DDX10: variants seen among roughly 807,000 people sequenced by gnomAD.
DDX10 encodes the protein DEAD-box helicase 10.
A neutral mutation model predicts 104.3 loss-of-function variants in DDX10; 74 were observed. The ratio of observed to expected loss-of-function variants is 0.71; its 90% CI spans 0.59 to 0.86. The LOEUF (loss-of-function observed/expected upper bound fraction) is 0.86. DDX10 is among the 40% of genes least tolerant of loss of function. The pLI, the probability that DDX10 is intolerant of heterozygous loss-of-function variation, is 0.00. For synonymous variants in DDX10, 351 were observed against 353.4 expected, an observed-to-expected ratio of 0.99 and a Z score of 0.08; for missense variants, 952 against 1,040.0, an observed-to-expected ratio of 0.92 and a Z score of 1.16.
intron 3 of DDX10, among the ~76,000 whole-genome samples, chr11:108,676,225 A>C (rs1460703744): frequency 6.6e-6 from 1 of 152,210 alleles, no homozygotes; most frequent in Non-Finnish European, 1.5e-5. Context: ...AGAGCTTCTT[A>C]GGCTTTCACT....
At position 108,841,388 on chromosome 11, in the gene DDX10, T is replaced by C. The variant is rs746021361; in HGVS notation, c.2159T>C (p.Ile720Thr). ...GAGGAAGATGATGACACAGGTGGTA[T>C]CAACTTACATAAAGCAAAGGAAAGA... ...DAEEDDDTGG[I>T]NLHKAKERLQ... The change falls in exon 15 of 18, where the codon ATC (isoleucine) becomes ACC (threonine). Residue 720 changes from isoleucine to threonine, a missense_variant. By Grantham distance (89) the Ile-to-Thr change is moderately conservative. Around this residue, in one of 3 missense-constraint regions of DDX10, gnomAD observed 533 missense variants for 534.1 expected, o/e 1.00. Transcript: ENST00000322536. The C allele has an allele frequency of 2.5e-6, 4 of 1,613,708 alleles. No individual in the cohort carries two copies. The East Asian group carries it at 6.7e-5, about 27-fold the overall frequency.
chr11:108,804,067 C>T (rs768045871), intron 13 of DDX10, among the ~76,000 whole-genome samples: 17 of 152,082 alleles, frequency 1.1e-4, no homozygotes, highest in Non-Finnish European at 2.2e-4. Context: ...TGTAAGTAAG[C>T]GGCTCAGAAT....
Position 108,706,720 on chromosome 11 carries a change from T to C in DDX10, c.1224-19T>C. 1 of 1,593,508 alleles carries C rather than the reference T, an allele frequency of 6.3e-7. No individual in the cohort carries two copies. The highest frequency in any genetic ancestry group is 1.1e-5 in the South Asian group (1 of 90,648). Reference sequence around the variant, plus strand: ...CAGATTGCATTGATGTGTTAAAGATTTTGTTTCTTTTTGTTTAGGTACAAA... The same window carrying C: ...CAGATTGCATTGATGTGTTAAAGATCTTGTTTCTTTTTGTTTAGGTACAAA... On this transcript the variant is annotated intron_variant, in intron 9 of 17. Transcript: ENST00000322536.
chr11:108,865,559 C>A (rs958044525), intron 16 of DDX10, among the ~76,000 whole-genome samples: 9 of 151,910 alleles, frequency 5.9e-5, no homozygotes, highest in Admixed American at 5.9e-4. Flanking sequence ...TTGGGAGGGT[C>A]TTATCAGGTT....
At chr11:108,919,497 A>G (rs532502005) in intron 17 of DDX10, 3 of 152,306 alleles carry the variant, frequency 2.0e-5, no homozygotes, top group South Asian at 4.1e-4. Flanking sequence ...GTGTTCCTAT[A>G]TAAATGCACC....
At chr11:108,734,799 T>G (rs1257978972) in intron 13 of DDX10, among the ~76,000 whole-genome samples, 1 of 152,220 alleles carries the variant, frequency 6.6e-6, no homozygotes, top group Non-Finnish European at 1.5e-5. Flanking sequence ...GAAGGTCATG[T>G]GAATTGCCCT....
chr11:108,831,002 T>C (rs1372593793), intron 13 of DDX10, among the ~76,000 whole-genome samples: 1 of 114,458 alleles, frequency 8.7e-6, no homozygotes, highest in Non-Finnish European at 2.3e-5. Context: ...TGCTTTTTCT[T>C]TTTTAAATCA....
At chr11:108,813,606 T>C (rs1398894498) in intron 13 of DDX10, among the ~76,000 whole-genome samples, 1 of 152,140 alleles carries the variant, frequency 6.6e-6, no homozygotes, top group East Asian at 1.9e-4. Context: ...TTGTCTTTTA[T>C]GGGTTCTAAA....
At chr11:108,858,439 T>C (rs767137905) in intron 16 of DDX10, among the ~76,000 whole-genome samples, 6 of 152,202 alleles carry the variant, frequency 3.9e-5, no homozygotes, top group Middle Eastern at 3.2e-3. Flanking sequence ...GTTAACACTT[T>C]ACATGTTAAT....
At chr11:108,851,474 G>A (rs2134605036) in intron 15 of DDX10, among the ~76,000 whole-genome samples, 1 of 152,170 alleles carries the variant, frequency 6.6e-6, no homozygotes, top group South Asian at 2.1e-4. Context: ...GAAGCATTGA[G>A]ATTATTTTAA....
intron 13 of DDX10, among the ~76,000 whole-genome samples, chr11:108,739,720 T>G (rs7940595): frequency 0.53 from 79,807 of 151,912 alleles, 21,983 homozygotes; most frequent in Non-Finnish European, 0.61. Flanking sequence ...TTAGTAAATA[T>G]TAGTTTTCTG....
At chr11:108,863,091 A>G (rs578111723) in intron 16 of DDX10, among the ~76,000 whole-genome samples, 1 of 152,242 alleles carries the variant, frequency 6.6e-6, no homozygotes, top group African/African-American at 2.4e-5. Flanking sequence ...TTCCATGCGC[A>G]TCTTATGTGA....
chr11:108,911,268 C>T (rs1438560105), intron 16 of DDX10, among the ~76,000 whole-genome samples: 2 of 152,116 alleles, frequency 1.3e-5, no homozygotes, highest in Non-Finnish European at 2.9e-5. Context: ...TGTCTTAATC[C>T]ATTTGTGCTG....
intron 6 of DDX10, 49 bp downstream of exon 6, chr11:108,679,609 T>C (rs574189321): frequency 7.4e-7 from 1 of 1,355,150 alleles, no homozygotes; most frequent in African/African-American, 1.5e-5. Flanking sequence ...ACTTTTTTAG[T>C]TTAGGGATTT....
intron 16 of DDX10, among the ~76,000 whole-genome samples, chr11:108,885,033 C>T (rs1050564015): frequency 6.6e-6 from 1 of 151,988 alleles, no homozygotes; most frequent in Non-Finnish European, 1.5e-5. Context: ...GAGTCTTCCC[C>T]CTCCCTCCCT....
intron 16 of DDX10, among the ~76,000 whole-genome samples, chr11:108,859,137 ACT>A (rs949718420): frequency 6.6e-6 from 1 of 152,080 alleles, no homozygotes; most frequent in Admixed American, 6.5e-5. Flanking sequence ...GCACTCCTTG[ACT>A]CTGACCACTG....
intron 16 of DDX10, among the ~76,000 whole-genome samples, chr11:108,879,162 C>T (rs928029583): frequency 2.0e-5 from 3 of 152,000 alleles, no homozygotes; most frequent in African/African-American, 4.8e-5. Flanking sequence ...CCACCACACC[C>T]GGCTAATTTT....
Position 108,679,378 on chromosome 11 carries a change from T to A in DDX10, c.666T>A (p.Asp222Glu). The A allele has an allele frequency of 6.3e-7, 1 of 1,592,916 alleles. No homozygotes were observed. Among genetic ancestry groups the A allele is most frequent in the Non-Finnish European group, 8.5e-7 (1 of 1,174,530 alleles). ...HATDLQMLVL[D>E]EADRILDMGF... ...TGCATTTTCCTTTTTCAGTTCTTGA[T>A]GAAGCAGATAGAATCTTGGATATGG... Residue 222 changes from aspartate to glutamate, a missense_variant, in exon 6 of 18, where the codon GAT (aspartate) becomes GAA (glutamate). By Grantham distance (45) the Asp-to-Glu change is conservative. Around this residue, in one of 3 missense-constraint regions of DDX10, gnomAD observed 412 missense variants for 479.2 expected, o/e 0.86. Transcript: ENST00000322536.
intron 6 of DDX10, among the ~76,000 whole-genome samples, chr11:108,682,387 G>A (rs1010853424): frequency 1.3e-5 from 2 of 152,184 alleles, no homozygotes; most frequent in Middle Eastern, 6.3e-3. Flanking sequence ...TTACAGGCCT[G>A]AGCCATTGTG....
Sources: allele counts gnomAD v4.1 joint callset (sites outside exome capture counted in the v4.1 genomes callset), GRCh38; gene constraint gnomAD v4.1.1; regional missense constraint gnomAD v4.1.1; transcripts MANE v1.5; gene names NCBI Gene and HGNC (gene_info 2026-07-23, HGNC 2026-07-21).